The following FOXK2 variants were observed in gnomAD, a reference collection of about 807,000 sequenced individuals.
FOXK2 encodes the protein forkhead box K2.
A neutral mutation model predicts 53.3 loss-of-function variants in FOXK2; 24 were observed. The observed-to-expected ratio is 0.45, with a 90% confidence interval of 0.33 to 0.63. The LOEUF is 0.63. FOXK2 is among the 30% of genes least tolerant of loss of function. FOXK2 has a pLI of 0.03. For synonymous variants in FOXK2, 505 were observed against 407.1 expected (o/e 1.24, Z -2.89); for missense variants, 952 against 910.5 (o/e 1.05, Z -0.59).
chr17:82,561,972 G>A (rs572257306), intron 1 of FOXK2, among the ~76,000 whole-genome samples: 76 of 152,296 alleles, frequency 5.0e-4, no homozygotes, highest in African/African-American at 1.6e-3. Flanking sequence ...CCGGGTGCGC[G>A]GATGTGTGCT....
intron 8 of FOXK2, among the ~76,000 whole-genome samples, chr17:82,595,097 A>G (rs1315985788): frequency 1.3e-5 from 2 of 152,216 alleles, no homozygotes; most frequent in Non-Finnish European, 2.9e-5. Flanking sequence ...CTTTGACAGC[A>G]TTTTGTGGAT....
chr17:82,599,095 T>TGC (rs2045351391), intron 8 of FOXK2: 1 of 143,698 alleles, frequency 7.0e-6, no homozygotes, highest in African/African-American at 2.6e-5. Context: ...GCTGAGCAGC[T>TGC]TCTTTTTTTT....
intron 8 of FOXK2, among the ~76,000 whole-genome samples, chr17:82,592,773 G>A (rs1389572610): frequency 1.3e-5 from 2 of 152,200 alleles, no homozygotes; most frequent in East Asian, 1.9e-4. Flanking sequence ...GTGTGAGGGC[G>A]CACGCTTCGC....
chr17:82,587,526 C>T (rs2045201350), intron 8 of FOXK2: 3 of 506,146 alleles, frequency 5.9e-6, no homozygotes, highest in African/African-American at 1.9e-5. Context: ...ATACTCTCGC[C>T]TCTTGTAGAT....
At chr17:82,594,772 G>A (rs1221313826) in intron 8 of FOXK2, among the ~76,000 whole-genome samples, 4 of 152,162 alleles carry the variant, frequency 2.6e-5, no homozygotes, top group Non-Finnish European at 2.9e-5. Context: ...ACAGCTGGGC[G>A]CCGTGGCTCA....
chr17:82,595,696 T>G, intron 8 of FOXK2: 1 of 1,127,758 alleles, frequency 8.9e-7, no homozygotes, highest in Non-Finnish European at 1.2e-6. Flanking sequence ...TCGGTCCCTG[T>G]TATTAAGCCT....
rs201366286 is a variant in FOXK2, at chr17:82,601,427, C to T, written c.1911C>T (p.Gly637=). 1.1e-5 allele frequency: 18 copies of T among 1,612,734 alleles called. No individual in the cohort carries two copies. The highest frequency in any genetic ancestry group is 2.2e-5 in the East Asian group (1 of 44,882). The change falls in exon 9 of 9, where the codon GGC becomes GGT. Residue 637 remains glycine, a synonymous_variant. Coordinates refer to ENST00000335255, the MANE Select transcript of FOXK2 (RefSeq NM_004514.4). ...PELKRIKTED[G]EGIVIALSVD... is the part of the protein sequence containing the mutation. ...TGAAGCGGATCAAGACAGAAGACGG[C>T]GAGGGCATCGTCATTGCCCTGAGCG...
At chr17:82,559,439 G>A (rs996946357) in intron 1 of FOXK2, 48 of 456,250 alleles carry the variant, frequency 1.1e-4, no homozygotes, top group African/African-American at 9.0e-4. Flanking sequence ...GTGTCCACCT[G>A]GTTCTGCCGT....
intron 1 of FOXK2, among the ~76,000 whole-genome samples, chr17:82,528,690 C>T (rs1363023220): frequency 1.3e-5 from 2 of 152,218 alleles, no homozygotes; most frequent in Non-Finnish European, 2.9e-5. Context: ...AGAGCCACAG[C>T]CCCTGCGGCC....
rs1323008506 is a variant in FOXK2 at position 82,582,739 on chromosome 17, A to G, written c.910-2A>G. 6.4e-7 allele frequency: 1 copy of G among 1,565,432 alleles called. No individual in the cohort carries two copies. Among genetic ancestry groups the G allele is most frequent in the Non-Finnish European group, 8.6e-7 (1 of 1,159,938 alleles). ...TTCTACGTATTTTTTTATGTTTCATAGAATTCAATTCGCCACAATCTCTCT... is the reference window on the plus strand; with the variant it reads ...TTCTACGTATTTTTTTATGTTTCATGGAATTCAATTCGCCACAATCTCTCT... On this transcript the variant is annotated splice_acceptor_variant, in intron 4 of 8. Transcript: ENST00000335255. LOFTEE classifies it high-confidence loss of function.
At chr17:82,552,255 A>G (rs948833568) in intron 1 of FOXK2, among the ~76,000 whole-genome samples, 1 of 152,188 alleles carries the variant, frequency 6.6e-6, no homozygotes, top group African/African-American at 2.4e-5. Context: ...AGTACAGAGA[A>G]CTTCCGTTTT....
intron 1 of FOXK2, among the ~76,000 whole-genome samples, chr17:82,560,513 G>A (rs902539745): frequency 1.3e-5 from 2 of 152,060 alleles, no homozygotes; most frequent in African/African-American, 4.8e-5. Context: ...CCACCCTGGC[G>A]CTGTGGTGCA....
At position 82,567,972 on chromosome 17, in the gene FOXK2, T is replaced by C. The variant is rs2044870373; in HGVS notation, c.615-82T>C. On this transcript the variant is annotated intron_variant, in intron 2 of 8. Coordinates refer to ENST00000335255, the MANE Select transcript of FOXK2 (RefSeq NM_004514.4). ...TTAACATTTCTGTATTTGTTATCCC[T>C]GTAATTAAAGCCAGTTGCTGAAGCA... 4 of 1,042,188 alleles carry C rather than the reference T, an allele frequency of 3.8e-6. No individual in the cohort carries two copies. In the East Asian group the frequency reaches 9.1e-5, roughly 24 times the overall value. The allele number at this position is 1,042,188 out of a possible 1,614,324, so 64.6% of individuals were successfully genotyped here. A position where few individuals can be genotyped will look rare whatever the true frequency, so the allele number is the denominator to read the frequency against.
chr17:82,563,895 G>GCGCCCACCACCA (rs2044825479), intron 2 of FOXK2, among the ~76,000 whole-genome samples: 1 of 138,922 alleles, frequency 7.2e-6, no homozygotes, highest in African/African-American at 2.7e-5. Flanking sequence ...AGGACTACAG[G>GCGCCCACCACCA]CGCCCACCAC....
At chr17:82,595,306 C>T (rs57008257) in intron 8 of FOXK2, among the ~76,000 whole-genome samples, 1,557 of 152,206 alleles carry the variant, frequency 0.01, 25 homozygotes, top group South Asian at 0.059. Flanking sequence ...TCAGGTTCTA[C>T]GGCTTTTGTC....
intron 8 of FOXK2, among the ~76,000 whole-genome samples, chr17:82,589,631 T>G (rs1156741854): frequency 6.6e-6 from 1 of 152,186 alleles, no homozygotes; most frequent in Non-Finnish European, 1.5e-5. Context: ...GTGTCAGCAC[T>G]GAGGGCCTGT....
At chr17:82,573,043 A>T (rs1314471168) in intron 4 of FOXK2, among the ~76,000 whole-genome samples, 1 of 152,096 alleles carries the variant, frequency 6.6e-6, no homozygotes, top group Non-Finnish European at 1.5e-5. Flanking sequence ...ATAAAAAAAA[A>T]TTAGCTGAGT....
chr17:82,527,514 A>G (rs1022055768), intron 1 of FOXK2, among the ~76,000 whole-genome samples: 1 of 152,060 alleles, frequency 6.6e-6, no homozygotes, highest in African/African-American at 2.4e-5. Flanking sequence ...CTGTAATCCC[A>G]GCAACTCAGG....
intron 1 of FOXK2, among the ~76,000 whole-genome samples, chr17:82,549,522 C>T (rs914182303): frequency 6.6e-6 from 1 of 152,108 alleles, no homozygotes; most frequent in African/African-American, 2.4e-5. Flanking sequence ...GCCAAAACCC[C>T]AAAATTATTC....
Sources: allele counts gnomAD v4.1 joint callset (sites outside exome capture counted in the v4.1 genomes callset), GRCh38; gene constraint gnomAD v4.1.1; transcripts MANE v1.5; gene names NCBI Gene and HGNC (gene_info 2026-07-23, HGNC 2026-07-21).